RNF169: variants seen among roughly 807,000 people sequenced by gnomAD.
The protein encoded by RNF169 is E3 ubiquitin-protein ligase RNF169.
RNF169 carries 24 observed loss-of-function variants against 53.9 expected under a neutral mutation model. The ratio of observed to expected loss-of-function variants is 0.45; its 90% CI spans 0.32 to 0.63. The LOEUF is 0.63. RNF169 is among the 20% of genes least tolerant of loss of function. The probability of loss-of-function intolerance (pLI) is 0.04; values close to 1 mark genes in which losing one functional copy is unlikely to be tolerated. For synonymous variants in RNF169, 396 were observed against 363.5 expected (o/e 1.09, Z -1.02); for missense variants, 883 against 906.2 (o/e 0.97, Z 0.33).
chr11:74,836,099 C>T lies in RNF169; in HGVS notation c.1496C>T (p.Ala499Val). 1 of 1,614,204 alleles carries T rather than the reference C, an allele frequency of 6.2e-7. No individual in the cohort carries two copies. ...VLSEYTGPTS[A>V]DLDHFPSVSQ... is the part of the protein sequence containing the mutation. ...TCTGAGTATACTGGACCCACCTCTG[C>T]TGATCTTGATCATTTCCCCTCTGTT... Residue 499 changes from alanine (A) to valine (V), a missense_variant, in exon 6 of 6, where the codon GCT becomes GTT. By Grantham distance (64) the Ala-to-Val change is moderately conservative (BLOSUM62 0). Around this residue, in one of 3 missense-constraint regions of RNF169, gnomAD observed 351 missense variants for 337.3 expected, o/e 1.04. Coordinates refer to ENST00000299563, the MANE Select transcript of RNF169 (RefSeq NM_001098638.2).
chr11:74,767,743 GT>G (rs2035196305), intron 1 of RNF169, among the ~76,000 whole-genome samples: 1 of 150,806 alleles, frequency 6.6e-6, no homozygotes, highest in South Asian at 2.1e-4. Flanking sequence ...CTAATTTTTT[GT>G]ATTTTTTTTT....
chr11:74,814,606 G>T (rs1470000602), intron 3 of RNF169, among the ~76,000 whole-genome samples: 2 of 151,758 alleles, frequency 1.3e-5, no homozygotes, highest in Admixed American at 6.6e-5. Context: ...GCCCAAGCTG[G>T]TCTTGAACTC....
In RNF169 at chr11:74,748,895, T is replaced by G. The variant is rs1473981523; in HGVS notation, c.15T>G (p.Gly5=). Residue 5 remains glycine (G), a synonymous_variant, in exon 1 of 6, where the codon GGT becomes GGG. Transcript: ENST00000299563. The part of the protein sequence containing the change: MAAA[G]PSTRASSAAA... The stretch of plus-strand genomic sequence containing the variant: ...CGGGAAACAAGATGGCGGCTGCAGG[T>G]CCGAGTACTCGGGCCTCTTCCGCGG... 2 of 1,434,368 alleles carry G rather than the reference T, an allele frequency of 1.4e-6. No individual in the cohort carries two copies. Among genetic ancestry groups the G allele is most frequent in the East Asian group, 2.9e-5 (1 of 35,080 alleles). 88.9% of individuals were successfully genotyped at this position (1,434,368 alleles called of 1,614,324 possible).
At chr11:74,824,249 C>A (rs1262228463) in intron 4 of RNF169, among the ~76,000 whole-genome samples, 1 of 152,064 alleles carries the variant, frequency 6.6e-6, no homozygotes, top group Non-Finnish European at 1.5e-5. Context: ...CTGAAAAGTA[C>A]AGTGACAGAA....
chr11:74,784,060 C>T (rs796412649), intron 1 of RNF169, among the ~76,000 whole-genome samples: 13 of 152,254 alleles, frequency 8.5e-5, no homozygotes, highest in African/African-American at 2.6e-4. Context: ...GATTGAAACA[C>T]CACATTTCAC....
At chr11:74,757,839 G>A in intron 1 of RNF169, among the ~76,000 whole-genome samples, 1 of 50,716 alleles carries the variant, frequency 2.0e-5, no homozygotes, top group African/African-American at 1.6e-4. Flanking sequence ...ACTTTTTGAT[G>A]GGGTTGTTTG....
At position 74,821,375 on chromosome 11, in the gene RNF169, C is replaced by T. The variant is rs575984545; in HGVS notation, c.842+3661C>T. On this transcript the variant is annotated intron_variant, in intron 4 of 5. Transcript: ENST00000299563. ...AGCCATCAGTAAAAGAATACAAGTG[C>T]GGGCCGGGCGCGGTGGCTCACGCCT... is the stretch of plus-strand genomic sequence containing the variant. Among the ~76,000 whole-genome samples, 4 of 128,346 alleles carry T rather than the reference C, an allele frequency of 3.1e-5. 1 individual carries two copies. The highest frequency in any genetic ancestry group is 5.2e-4 in the South Asian group (2 of 3,864). 84.2% of individuals were successfully genotyped at this position (128,346 alleles called of 152,430 possible).
intron 1 of RNF169, among the ~76,000 whole-genome samples, chr11:74,776,466 A>G (rs1455474802): frequency 1.3e-5 from 2 of 149,692 alleles, no homozygotes; most frequent in African/African-American, 4.9e-5. Flanking sequence ...TTAAAAGACC[A>G]TAGTGCAAAA....
At chr11:74,785,199 TA>T (rs35747289) in intron 1 of RNF169, among the ~76,000 whole-genome samples, 5 of 116,090 alleles carry the variant, frequency 4.3e-5, no homozygotes, top group African/African-American at 2.0e-4. Context: ...ATATATATGA[TA>T]TATATATATG....
chr11:74,812,304 A>G (rs1014009709), intron 3 of RNF169, among the ~76,000 whole-genome samples: 1 of 148,910 alleles, frequency 6.7e-6, no homozygotes, highest in African/African-American at 2.5e-5. Context: ...TTGTTTGTTT[A>G]TTTATTTAGA....
intron 1 of RNF169, among the ~76,000 whole-genome samples, chr11:74,785,349 C>T (rs2035484866): frequency 6.8e-6 from 1 of 146,822 alleles, no homozygotes; most frequent in Non-Finnish European, 1.5e-5. Context: ...TCCCAAGGCT[C>T]CATCATTCAA....
chr11:74,774,002 G>A lies in RNF169; in HGVS notation c.503-15624G>A, dbSNP rs79425668. ...GTGCCAAGCACTCTGCCAGGTGCTA[G>A]GGATACAAAGATGAGTAAGACACAA... On this transcript the variant is annotated intron_variant, in intron 1 of 5. Coordinates refer to ENST00000299563, the MANE Select transcript of RNF169 (RefSeq NM_001098638.2). 2.8e-4 allele frequency among the ~76,000 whole-genome samples: 42 copies of A among 152,334 alleles called. 1 individual carries two copies. In the East Asian group the frequency reaches 6.2e-3, roughly 22 times the overall value.
intron 2 of RNF169, among the ~76,000 whole-genome samples, chr11:74,806,530 G>A (rs1406629460): frequency 3.3e-5 from 5 of 152,166 alleles, no homozygotes; most frequent in African/African-American, 9.7e-5. Flanking sequence ...TTTATAAATA[G>A]CCAAAAGTAG....
intron 4 of RNF169, among the ~76,000 whole-genome samples, chr11:74,824,421 TGAGA>T (rs545004126): frequency 9.2e-5 from 14 of 152,026 alleles, no homozygotes; most frequent in Non-Finnish European, 1.9e-4. Flanking sequence ...AGTCCCAGAA[TGAGA>T]GAGAAAGGGG....
chr11:74,834,460 A>G (rs1167710326), intron 4 of RNF169, among the ~76,000 whole-genome samples: 1 of 152,244 alleles, frequency 6.6e-6, no homozygotes, highest in African/African-American at 2.4e-5. Flanking sequence ...TGGAAACAAA[A>G]TCTTGAACCA....
chr11:74,802,927 T>G (rs182358908), intron 2 of RNF169, among the ~76,000 whole-genome samples: 8,496 of 81,832 alleles, frequency 0.1, 296 homozygotes, highest in Non-Finnish European at 0.14. Context: ...TAATTTTTTT[T>G]GGGGGGGGGT....
At chr11:74,834,534 A>G (rs1346859817) in intron 4 of RNF169, 142 bp from the exon 5 acceptor site, 1 of 520,822 alleles carries the variant, frequency 1.9e-6, no homozygotes, top group East Asian at 3.1e-5. Flanking sequence ...TTGTTAATAA[A>G]TTAACTCATT....
chr11:74,835,930 A>T lies in RNF169; in HGVS notation c.1327A>T (p.Ile443Phe). 1 of 1,614,208 alleles carries T rather than the reference A, an allele frequency of 6.2e-7. No individual in the cohort carries two copies. The highest frequency in any genetic ancestry group is 8.5e-7 in the Non-Finnish European group (1 of 1,180,040). The change falls in exon 6 of 6, where the codon ATC becomes TTC. Residue 443 changes from isoleucine to phenylalanine, a missense_variant. This residue lies in a region of RNF169 where 351 missense variants were observed against 337.3 expected (regional missense o/e 1.04). Coordinates refer to ENST00000299563, the MANE Select transcript of RNF169 (RefSeq NM_001098638.2). ...KWEQIFQERQ[I>F]KKTLSKATLT... is the part of the protein sequence containing the mutation. Reference sequence around the variant, plus strand: ...GGAACAGATCTTTCAGGAGCGGCAGATCAAAAAGACCCTTTCAAAAGCCAC... The same window carrying T: ...GGAACAGATCTTTCAGGAGCGGCAGTTCAAAAAGACCCTTTCAAAAGCCAC...
intron 1 of RNF169, among the ~76,000 whole-genome samples, chr11:74,771,963 G>A (rs2035266517): frequency 1.3e-5 from 2 of 152,122 alleles, no homozygotes; most frequent in Non-Finnish European, 2.9e-5. Context: ...AATTAATTAT[G>A]TATATACAAA....
Sources: gnomAD v4.1 joint callset for allele counts (sites outside exome capture counted in the v4.1 genomes callset) on GRCh38, gnomAD v4.1.1 for gene constraint, gnomAD v4.1.1 regional missense constraint, MANE v1.5 for transcripts, NCBI Gene and HGNC (gene_info 2026-07-23, HGNC 2026-07-21) for gene names.